The following RIT2 variants were observed in gnomAD, a reference collection of about 807,000 sequenced individuals.
RIT2 encodes GTP-binding protein Rit2.
A neutral mutation model predicts 23.7 loss-of-function variants in RIT2; 24 were observed. The observed-to-expected ratio is 1.01, with a 90% CI of 0.73 to 1.43. RIT2 has a LOEUF of 1.43. Among genes scored for constraint, RIT2 ranks in the 40% most tolerant of loss-of-function variants. The pLI, the probability that RIT2 is intolerant of heterozygous loss-of-function variation, is 0.00. For synonymous variants in RIT2, 107 were observed against 91.1 expected (o/e 1.17, Z -0.99); for missense variants, 236 against 266.9 (o/e 0.88, Z 0.81).
chr18:43,056,814 A>C (rs1273168226), intron 1 of RIT2, among the ~76,000 whole-genome samples: 1 of 152,138 alleles, frequency 6.6e-6, no homozygotes, highest in Non-Finnish European at 1.5e-5. Context: ...AGGAATGAGC[A>C]GGACGATAGC....
intron 1 of RIT2, among the ~76,000 whole-genome samples, chr18:43,035,496 T>A (rs1346834509): frequency 6.6e-6 from 1 of 152,182 alleles, no homozygotes; most frequent in Non-Finnish European, 1.5e-5. Flanking sequence ...TCAGTCAGGC[T>A]CCTCTGAACC....
intron 4 of RIT2, among the ~76,000 whole-genome samples, chr18:42,899,208 T>A (rs1393960020): frequency 6.6e-6 from 1 of 151,624 alleles, no homozygotes; most frequent in Non-Finnish European, 1.5e-5. Flanking sequence ...TTCAACTACA[T>A]TGAATGTTGT....
At chr18:43,025,011 T>C (rs1429227293) in intron 2 of RIT2, among the ~76,000 whole-genome samples, 1 of 151,716 alleles carries the variant, frequency 6.6e-6, no homozygotes, top group Non-Finnish European at 1.5e-5. Flanking sequence ...AGTTCAAAAC[T>C]AGTCTGGCCA....
intron 4 of RIT2, among the ~76,000 whole-genome samples, chr18:42,888,945 T>C (rs1284818555): frequency 6.6e-6 from 1 of 152,062 alleles, no homozygotes; most frequent in Non-Finnish European, 1.5e-5. Flanking sequence ...GAAAACTACC[T>C]ACTGGGTACT....
chr18:43,029,604 G>A (rs995215249), intron 2 of RIT2, among the ~76,000 whole-genome samples: 3 of 151,902 alleles, frequency 2.0e-5, no homozygotes, highest in African/African-American at 7.2e-5. Context: ...AAGGAGATAT[G>A]ATCAGCTCTC....
chr18:43,022,838 T>G (rs540389443), intron 2 of RIT2, among the ~76,000 whole-genome samples: 1 of 152,108 alleles, frequency 6.6e-6, no homozygotes, highest in Non-Finnish European at 1.5e-5. Context: ...AGAATTCTCC[T>G]AGCCTGTAGA....
intron 3 of RIT2, among the ~76,000 whole-genome samples, chr18:42,934,861 C>T (rs1235763269): frequency 6.6e-6 from 1 of 152,112 alleles, no homozygotes; most frequent in African/African-American, 2.4e-5. Flanking sequence ...TCTTGCCCCT[C>T]AAAGTGCAAT....
intron 2 of RIT2, among the ~76,000 whole-genome samples, chr18:43,003,564 T>C (rs1323840827): frequency 2.0e-5 from 3 of 151,900 alleles, no homozygotes; most frequent in Non-Finnish European, 4.4e-5. Context: ...TAATCACATC[T>C]ATTTCTTGAC....
At chr18:42,920,617 GT>G (rs1026888467) in intron 4 of RIT2, 3 of 954,030 alleles carry the variant, frequency 3.1e-6, no homozygotes, top group Non-Finnish European at 4.8e-6. Flanking sequence ...TTGTCTTTTT[GT>G]TTTTTTTCTT....
At chr18:43,014,527 A>C (rs1911426948) in intron 2 of RIT2, among the ~76,000 whole-genome samples, 1 of 151,762 alleles carries the variant, frequency 6.6e-6, no homozygotes, top group Admixed American at 6.6e-5. Flanking sequence ...AATTTTAAAA[A>C]GATCACTCTG....
intron 4 of RIT2, among the ~76,000 whole-genome samples, chr18:42,851,581 A>G (rs1907055265): frequency 6.6e-6 from 1 of 152,234 alleles, no homozygotes; most frequent in South Asian, 2.1e-4. Flanking sequence ...GGCTGGGCGC[A>G]TGGCTCAGGC....
chr18:42,904,704 A>C (rs1219691524), intron 4 of RIT2, among the ~76,000 whole-genome samples: 1 of 152,190 alleles, frequency 6.6e-6, no homozygotes, highest in East Asian at 1.9e-4. Flanking sequence ...TACACATTTA[A>C]CATAAATAAC....
chr18:43,084,806 G>A (rs141668799), intron 1 of RIT2, among the ~76,000 whole-genome samples: 9 of 152,248 alleles, frequency 5.9e-5, no homozygotes, highest in East Asian at 5.8e-4. Context: ...CTAGTGACAC[G>A]TTGATGGGTA....
chr18:42,838,466 C>T (rs473976), intron 4 of RIT2, among the ~76,000 whole-genome samples: 37,512 of 151,916 alleles, frequency 0.25, 5,784 homozygotes, highest in East Asian at 0.42. Flanking sequence ...TTAGTGTATG[C>T]TTATGCCAAG....
At chr18:43,080,838 T>C (rs62090489) in intron 1 of RIT2, among the ~76,000 whole-genome samples, 13,679 of 152,198 alleles carry the variant, frequency 0.09, 697 homozygotes, top group East Asian at 0.18. Context: ...TTGTGTCCTG[T>C]ATGCTTTCCA....
At chr18:43,018,165 C>G (rs948691871) in intron 2 of RIT2, among the ~76,000 whole-genome samples, 1 of 152,022 alleles carries the variant, frequency 6.6e-6, no homozygotes, top group Non-Finnish European at 1.5e-5. Context: ...ACTCCCTTTC[C>G]CTCACACTGC....
intron 4 of RIT2, among the ~76,000 whole-genome samples, chr18:42,807,098 T>C (rs887894364): frequency 2.6e-5 from 4 of 152,238 alleles, no homozygotes; most frequent in Admixed American, 2.6e-4. Context: ...CCCTGTGGCA[T>C]TGGCCTTTCA....
intron 4 of RIT2, among the ~76,000 whole-genome samples, chr18:42,921,363 C>T (rs1909052370): frequency 6.6e-6 from 1 of 152,118 alleles, no homozygotes; most frequent in Non-Finnish European, 1.5e-5. Flanking sequence ...TTGCTTTTAT[C>T]TACAAGGAAA....
intron 1 of RIT2, among the ~76,000 whole-genome samples, chr18:43,092,234 A>G (rs1913439549): frequency 6.6e-6 from 1 of 152,126 alleles, no homozygotes; most frequent in African/African-American, 2.4e-5. Flanking sequence ...AGGACTCTGT[A>G]GAGCTCTGAC....
Sources: gnomAD v4.1 joint callset for allele counts (sites outside exome capture counted in the v4.1 genomes callset) on GRCh38, gnomAD v4.1.1 for gene constraint, MANE v1.5 for transcripts, NCBI Gene and HGNC (gene_info 2026-07-23, HGNC 2026-07-21) for gene names.